ANXA11: variants seen among roughly 807,000 people sequenced by gnomAD.
The protein encoded by ANXA11 is 56 kDa autoantigen.
In ANXA11, 57 loss-of-function variants were observed where a neutral mutation model predicts 64.7. The ratio of observed to expected loss-of-function variants is 0.88; its 90% CI spans 0.71 to 1.10. ANXA11 has a LOEUF of 1.10. Among genes scored for constraint, ANXA11 ranks in the 50% least tolerant of loss-of-function variants. The probability of loss-of-function intolerance (pLI) is 0.00; values close to 1 mark genes in which losing one functional copy is unlikely to be tolerated. For missense variants in ANXA11, 675 were observed against 670.7 expected (o/e 1.01, Z -0.07); for synonymous variants, 260 against 265.2 (o/e 0.98, Z 0.19).
chr10:80,163,481 T>A, intron 10 of ANXA11, 53 bp downstream of exon 10: 2 of 1,607,540 alleles, frequency 1.2e-6, no homozygotes, highest in Non-Finnish European at 1.7e-6. Context: ...GGGGATCCCA[T>A]CTCTTTGACT....
intron 1 of ANXA11, among the ~76,000 whole-genome samples, chr10:80,202,452 G>C (rs1287628809): frequency 6.6e-6 from 1 of 152,156 alleles, no homozygotes; most frequent in Non-Finnish European, 1.5e-5. Context: ...ATGTGTAACA[G>C]TTTCAGTGGT....
At chr10:80,201,851 C>T (rs1840438641) in intron 1 of ANXA11, among the ~76,000 whole-genome samples, 1 of 152,208 alleles carries the variant, frequency 6.6e-6, no homozygotes, top group African/African-American at 2.4e-5. Context: ...TGTGAGCAGC[C>T]TCCACATTTC....
At chr10:80,186,584 G>A (rs1846548696) in intron 1 of ANXA11, among the ~76,000 whole-genome samples, 1 of 152,190 alleles carries the variant, frequency 6.6e-6, no homozygotes, top group African/African-American at 2.4e-5. Flanking sequence ...GAGTAAACCT[G>A]CCTGGGAGAG....
At chr10:80,156,020 C>G in intron 15 of ANXA11, 108 bp from the exon 16 acceptor site, 1 of 1,199,200 alleles carries the variant, frequency 8.3e-7, no homozygotes, top group South Asian at 1.3e-5. Context: ...AAAGCCCCAC[C>G]CTGGGGAATT....
At chr10:80,171,133 G>A (rs1003157580) in intron 3 of ANXA11, 3 of 1,465,492 alleles carry the variant, frequency 2.0e-6, no homozygotes, top group Non-Finnish European at 1.8e-6. Context: ...CAGGGAGGAA[G>A]GTGGAGTTCC....
At chr10:80,177,522 C>T (rs1039066960) in intron 1 of ANXA11, among the ~76,000 whole-genome samples, 1 of 152,092 alleles carries the variant, frequency 6.6e-6, no homozygotes, top group Non-Finnish European at 1.5e-5. Context: ...ACATCTTCCC[C>T]CTCTCTCTCA....
intron 1 of ANXA11, among the ~76,000 whole-genome samples, chr10:80,184,278 C>A (rs1846458241): frequency 6.6e-6 from 1 of 152,120 alleles, no homozygotes; most frequent in Non-Finnish European, 1.5e-5. Flanking sequence ...AGGGTTACAT[C>A]CAAATAAAGC....
intron 1 of ANXA11, among the ~76,000 whole-genome samples, chr10:80,177,232 G>A (rs548649498): frequency 3.9e-5 from 6 of 152,094 alleles, no homozygotes; most frequent in East Asian, 1.9e-4. Flanking sequence ...CAGATGATCC[G>A]CCCGCCTCAG....
intron 3 of ANXA11, 85 bp downstream of exon 3, chr10:80,172,722 G>A: frequency 1.5e-6 from 2 of 1,363,356 alleles, no homozygotes; most frequent in East Asian, 4.6e-5. Flanking sequence ...GGAGGGGAGT[G>A]AGGAAACTAC....
intron 1 of ANXA11, among the ~76,000 whole-genome samples, chr10:80,191,698 T>A (rs535275604): frequency 6.6e-6 from 1 of 152,192 alleles, no homozygotes; most frequent in Non-Finnish European, 1.5e-5. Flanking sequence ...CCAATCAACA[T>A]GAGTCACCAG....
intron 15 of ANXA11, chr10:80,156,984 C>T (rs1484116183): frequency 1.6e-5 from 16 of 985,298 alleles, no homozygotes; most frequent in South Asian, 4.7e-5. Flanking sequence ...GACCACACAG[C>T]TGAGAATGTA....
At chr10:80,158,229 AACCAACCC>A (rs1416159397) in intron 13 of ANXA11, among the ~76,000 whole-genome samples, 1 of 152,196 alleles carries the variant, frequency 6.6e-6, no homozygotes, top group Non-Finnish European at 1.5e-5. Flanking sequence ...AAAGCCTGGA[AACCAACCC>A]ACCCTCTTTC....
intron 1 of ANXA11, among the ~76,000 whole-genome samples, chr10:80,203,044 C>CAA (rs11444706): frequency 2.9e-4 from 25 of 85,176 alleles, no homozygotes; most frequent in African/African-American, 4.9e-4. Context: ...AAATCTGTCT[C>CAA]AAAAAAAAAA....
At chr10:80,157,835 C>T in intron 14 of ANXA11, 72 bp from the exon 15 acceptor site, 1 of 1,588,196 alleles carries the variant, frequency 6.3e-7, no homozygotes, top group Non-Finnish European at 8.6e-7. Context: ...GCCCTCCAGT[C>T]CCCTCCCTAC....
chr10:80,163,288 A>G, intron 11 of ANXA11, 61 bp downstream of exon 11: 1 of 1,596,146 alleles, frequency 6.3e-7, no homozygotes, highest in Non-Finnish European at 8.6e-7. Flanking sequence ...TCTCTCAGGA[A>G]GCAAGAAAGC....
At chr10:80,202,147 T>A (rs561441876) in intron 1 of ANXA11, among the ~76,000 whole-genome samples, 1 of 149,006 alleles carries the variant, frequency 6.7e-6, no homozygotes, top group Non-Finnish European at 1.5e-5. Context: ...CATCTTCTCA[T>A]CTGATTCTCC....
intron 3 of ANXA11, chr10:80,171,252 G>C (rs1254619835): frequency 2.6e-6 from 3 of 1,171,662 alleles, no homozygotes; most frequent in Non-Finnish European, 3.2e-6. Context: ...GACAAGGACA[G>C]ACTGTTGTGG....
chr10:80,181,548 T>C (rs1363187671), intron 1 of ANXA11: 3 of 152,046 alleles, frequency 2.0e-5, no homozygotes, highest in African/African-American at 7.2e-5. Flanking sequence ...GCAAAAGACA[T>C]ATCTGATAAA....
intron 12 of ANXA11, 133 bp downstream of exon 12, chr10:80,161,802 C>G (rs954961981): frequency 1.4e-5 from 10 of 712,294 alleles, no homozygotes; most frequent in Non-Finnish European, 2.4e-5. Flanking sequence ...TAAATTCCCA[C>G]CAGGGGGCTC....
Sources: allele counts gnomAD v4.1 joint callset (sites outside exome capture counted in the v4.1 genomes callset), GRCh38; gene constraint gnomAD v4.1.1; transcripts MANE v1.5; gene names NCBI Gene and HGNC (gene_info 2026-07-23, HGNC 2026-07-21).